SYTL5: variants seen among roughly 807,000 people sequenced by gnomAD.
SYTL5 encodes synaptotagmin like 5.
SYTL5 carries 34 observed loss-of-function variants against 55.9 expected under a neutral mutation model. The observed-to-expected ratio is 0.61, with a 90% CI of 0.46 to 0.81. The LOEUF (loss-of-function observed/expected upper bound fraction) is 0.81. Among genes scored for constraint, SYTL5 ranks in the 30% least tolerant of loss-of-function variants. The pLI, the probability that SYTL5 is intolerant of heterozygous loss-of-function variation, is 0.00. For synonymous variants in SYTL5, 221 were observed against 188.7 expected (o/e 1.17, Z -1.40); for missense variants, 637 against 546.7 (o/e 1.17, Z -1.65).
chrX:37,984,428 T>G, the SYTL5 span, among the ~76,000 whole-genome samples: 1 of 111,598 alleles, frequency 9.0e-6, no homozygotes, highest in African/African-American at 3.2e-5. Context: ...TGAAACTGAC[T>G]CAAGAAGAAA....
At chrX:38,042,785 T>C (rs926453260) in intron 2 of SYTL5, among the ~76,000 whole-genome samples, 3 of 111,809 alleles carry the variant, frequency 2.7e-5, no homozygotes, top group African/African-American at 9.7e-5. Flanking sequence ...CCCTCAAAGG[T>C]AAGTCAGCTC....
Position 38,122,065 on chromosome X carries a change from T to C in SYTL5, c.1706-15T>C, listed in dbSNP as rs779487506. 8.6e-7 allele frequency: 1 copy of C among 1,161,988 alleles called. No individual in the cohort carries two copies. The highest frequency in any genetic ancestry group is 2.4e-4 in the Middle Eastern group (1 of 4,122). ...CTCTTTCTCCACCATTCCCTCATTT[T>C]GGTGGCTGACACAGGAAATAAGACT... On this transcript the variant is annotated splice_polypyrimidine_tract_variant and intron_variant, in intron 14 of 16. Coordinates refer to ENST00000297875, the MANE Select transcript of SYTL5 (RefSeq NM_138780.3).
At chrX:38,075,884 C>A (rs768438027) in intron 5 of SYTL5, among the ~76,000 whole-genome samples, 5 of 112,035 alleles carry the variant, frequency 4.5e-5, no homozygotes, top group Non-Finnish European at 9.4e-5. Context: ...TGGAAACACC[C>A]ATGTTTTGGG....
At chrX:38,034,552 T>C (rs189829458) in intron 2 of SYTL5, among the ~76,000 whole-genome samples, 1 of 112,481 alleles carries the variant, frequency 8.9e-6, no homozygotes, top group African/African-American at 3.2e-5. Flanking sequence ...GAAAGGGACC[T>C]GGAGAGTAAA....
At chrX:37,996,414 C>T in the SYTL5 span, among the ~76,000 whole-genome samples, 7 of 112,258 alleles carry the variant, frequency 6.2e-5, no homozygotes, top group Non-Finnish European at 1.3e-4. Context: ...GTCTCTCTGG[C>T]CTGTATCCTG....
At chrX:38,064,767 A>T (rs1233481668) in intron 3 of SYTL5, among the ~76,000 whole-genome samples, 1 of 111,126 alleles carries the variant, frequency 9.0e-6, no homozygotes, top group Non-Finnish European at 1.9e-5. Flanking sequence ...AGTATATGTT[A>T]TATGTATTTT....
chrX:37,991,103 A>T, the SYTL5 span: 1 of 1,211,467 alleles, frequency 8.3e-7, no homozygotes, highest in South Asian at 1.8e-5. Context: ...GGGAGAGAGA[A>T]GTGGACAACA....
chrX:38,094,776 T>A (rs1936885055), intron 8 of SYTL5, among the ~76,000 whole-genome samples: 1 of 111,805 alleles, frequency 8.9e-6, no homozygotes, highest in African/African-American at 3.2e-5. Context: ...TTCAAGGAAA[T>A]GGTAGTTCAA....
chrX:38,101,414 T>C (rs1179071231), intron 9 of SYTL5, among the ~76,000 whole-genome samples: 2 of 111,295 alleles, frequency 1.8e-5, no homozygotes. Context: ...TTTATAAAAC[T>C]ATAGTTAAAA....
chrX:37,933,373 A>G, the SYTL5 span, among the ~76,000 whole-genome samples: 4 of 111,354 alleles, frequency 3.6e-5, no homozygotes, highest in Non-Finnish European at 7.5e-5. Flanking sequence ...GCCCCATGGT[A>G]GCCTTAAAAA....
chrX:37,938,806 A>G, the SYTL5 span, among the ~76,000 whole-genome samples: 1 of 112,147 alleles, frequency 8.9e-6, no homozygotes, highest in South Asian at 3.7e-4. Flanking sequence ...AAGGTTAGAT[A>G]TGATTACTTA....
the SYTL5 span, among the ~76,000 whole-genome samples, chrX:37,972,253 A>C: frequency 9.0e-6 from 1 of 111,520 alleles, no homozygotes; most frequent in Non-Finnish European, 1.9e-5. Context: ...ACACAAATGC[A>C]CACAGACAAA....
At chrX:37,940,786 T>C in the SYTL5 span, among the ~76,000 whole-genome samples, 1 of 110,699 alleles carries the variant, frequency 9.0e-6, no homozygotes, top group African/African-American at 3.3e-5. Flanking sequence ...TGGGGTAAAT[T>C]ATCTGATATG....
the SYTL5 span, among the ~76,000 whole-genome samples, chrX:37,978,613 A>C: frequency 1.8e-5 from 2 of 112,047 alleles, no homozygotes; most frequent in African/African-American, 6.5e-5. Context: ...TACAAAAGCA[A>C]TTCATGTTTT....
chrX:37,949,555 A>G, the SYTL5 span: 15 of 112,020 alleles, frequency 1.3e-4, no homozygotes, highest in Admixed American at 1.4e-3. Flanking sequence ...TAATCAGCTT[A>G]ATTTCTTACA....
intron 13 of SYTL5, among the ~76,000 whole-genome samples, chrX:38,116,708 T>C (rs993061691): frequency 8.9e-6 from 1 of 112,775 alleles, no homozygotes. Context: ...GCTGTCTTTT[T>C]GCACTCATCA....
chrX:37,952,350 C>T, the SYTL5 span, among the ~76,000 whole-genome samples: 11 of 111,723 alleles, frequency 9.8e-5, no homozygotes, highest in African/African-American at 3.6e-4. Flanking sequence ...TTTTTGCTGA[C>T]CTTACTCTTG....
At chrX:38,047,627 A>T (rs1365609090) in intron 2 of SYTL5, among the ~76,000 whole-genome samples, 1 of 112,663 alleles carries the variant, frequency 8.9e-6, no homozygotes, top group African/African-American at 3.2e-5. Flanking sequence ...TGGTGATTAC[A>T]TTTGGCTCCT....
chrX:38,104,768 AC>A (rs1475767907), intron 10 of SYTL5, among the ~76,000 whole-genome samples: 1 of 111,421 alleles, frequency 9.0e-6, no homozygotes, highest in Non-Finnish European at 1.9e-5. Flanking sequence ...TCCACGAAAG[AC>A]CTCCAGGTGG....
Sources: gnomAD v4.1 joint callset for allele counts (sites outside exome capture counted in the v4.1 genomes callset) on GRCh38, gnomAD v4.1.1 for gene constraint, MANE v1.5 for transcripts, NCBI Gene and HGNC (gene_info 2026-07-23, HGNC 2026-07-21) for gene names.